The following COL19A1 variants were observed in gnomAD, a reference collection of about 807,000 sequenced individuals.
The protein encoded by COL19A1 is collagen alpha-1(XIX) chain.
A neutral mutation model predicts 190.2 loss-of-function variants in COL19A1; 159 were observed. The ratio of observed to expected loss-of-function variants is 0.84; its 90% CI spans 0.73 to 0.95. The LOEUF is 0.95. Ranked by LOEUF, COL19A1 falls within the 40% of genes least tolerant of loss-of-function variation. The pLI is 0.00. For missense variants in COL19A1, 1,418 were observed against 1,431.9 expected (o/e 0.99, Z 0.16); for synonymous variants, 509 against 458.9 (o/e 1.11, Z -1.39).
chr6:70,176,813 G>A (rs560679433), intron 42 of COL19A1, among the ~76,000 whole-genome samples: 88 of 152,248 alleles, frequency 5.8e-4, no homozygotes, highest in Middle Eastern at 6.8e-3. Context: ...GGAGGGGAGA[G>A]GAAACACAGT....
chr6:70,144,984 G>C lies in COL19A1; in HGVS notation c.1747G>C (p.Gly583Arg). 1 of 1,592,228 alleles carries C rather than the reference G, an allele frequency of 6.3e-7. No individual in the cohort carries two copies. The highest frequency in any genetic ancestry group is 2.3e-5 in the East Asian group (1 of 44,006). The change falls in exon 25 of 51, where the codon GGG becomes CGG. Residue 583 changes from glycine (G) to arginine (R), a missense_variant. Transcript: ENST00000620364. ...TCCAAAAGGTGAGGCTGGTCCTCCA[G>C]GGAAAAGCCTGCCAGGGGAACCAGT... Reference protein sequence around the residue: ...PGPKGEAGPPGKSLPGEPGLD... With the variant: ...PGPKGEAGPPRKSLPGEPGLD...
intron 42 of COL19A1, among the ~76,000 whole-genome samples, chr6:70,178,038 G>T (rs1375032377): frequency 6.6e-6 from 1 of 152,176 alleles, no homozygotes; most frequent in Admixed American, 6.5e-5. Context: ...CACTTAGTTG[G>T]ATGTCTAAGA....
intron 4 of COL19A1, among the ~76,000 whole-genome samples, chr6:69,920,914 A>G (rs1771662018): frequency 7.1e-6 from 1 of 141,504 alleles, no homozygotes; most frequent in East Asian, 2.0e-4. Context: ...ATATTCATCT[A>G]TATATTCATA....
chr6:69,884,253 T>G (rs1454473671), intron 2 of COL19A1, among the ~76,000 whole-genome samples: 1 of 151,572 alleles, frequency 6.6e-6, no homozygotes, highest in East Asian at 1.9e-4. Context: ...GAGAATCACT[T>G]GAACCCAGGA....
chr6:70,106,329 CGTGTGTGTGT>C (rs55854953), intron 16 of COL19A1, among the ~76,000 whole-genome samples: 2 of 149,348 alleles, frequency 1.3e-5, no homozygotes, highest in Non-Finnish European at 3.0e-5. Flanking sequence ...TAAGTGTGTG[CGTGTGTGTGT>C]GTGTGTGTGT....
chr6:69,868,687 A>C (rs1408036252), intron 1 of COL19A1, among the ~76,000 whole-genome samples: 3 of 152,246 alleles, frequency 2.0e-5, no homozygotes, highest in African/African-American at 7.2e-5. Context: ...TATTACCACA[A>C]TTGGGACATC....
intron 12 of COL19A1, among the ~76,000 whole-genome samples, chr6:70,028,914 G>A (rs1389316613): frequency 6.7e-6 from 1 of 150,302 alleles, no homozygotes; most frequent in Non-Finnish European, 1.5e-5. Context: ...GCTCTAATAG[G>A]TACATGTTTT....
chr6:70,207,020 A>G (rs746741794), intron 50 of COL19A1, 42 bp downstream of exon 50: 7 of 1,608,610 alleles, frequency 4.4e-6, no homozygotes, highest in Non-Finnish European at 5.9e-6. Context: ...AAGCCTTTAC[A>G]AATTAGAACC....
At chr6:69,872,489 A>G (rs1396422855) in intron 1 of COL19A1, among the ~76,000 whole-genome samples, 1 of 152,194 alleles carries the variant, frequency 6.6e-6, no homozygotes, top group Non-Finnish European at 1.5e-5. Context: ...TATACAAATA[A>G]AGATTAATAA....
chr6:70,149,747 A>G lies in COL19A1; in HGVS notation c.1929+8A>G, dbSNP rs1786916337. On this transcript the variant is annotated splice_region_variant and intron_variant, in intron 28 of 50. Transcript: ENST00000620364. ...GGAGAGCCAGGTATTCAGGTAAGCT[A>G]TTTAACTAATTTTTTAGCACAGCAA... The G allele has an allele frequency of 2.5e-6, 4 of 1,613,622 alleles. No homozygotes were observed. Among genetic ancestry groups the G allele is most frequent in the Non-Finnish European group, 3.4e-6 (4 of 1,179,762 alleles).
intron 4 of COL19A1, among the ~76,000 whole-genome samples, chr6:69,911,766 C>A (rs1245685941): frequency 6.6e-6 from 1 of 152,196 alleles, no homozygotes; most frequent in Non-Finnish European, 1.5e-5. Context: ...CCTCTAAGAC[C>A]TTGATCCACC....
intron 15 of COL19A1, among the ~76,000 whole-genome samples, chr6:70,101,083 C>A (rs1005688631): frequency 6.6e-6 from 1 of 152,128 alleles, no homozygotes; most frequent in African/African-American, 2.4e-5. Flanking sequence ...ATAAAATGGG[C>A]CTTTCTGTGC....
intron 40 of COL19A1, among the ~76,000 whole-genome samples, chr6:70,169,674 T>C (rs1359231987): frequency 1.3e-5 from 2 of 152,198 alleles, no homozygotes; most frequent in Admixed American, 1.3e-4. Context: ...GATCATATTC[T>C]GTAATTCAGT....
intron 14 of COL19A1, among the ~76,000 whole-genome samples, chr6:70,048,786 T>A (rs1290817909): frequency 6.6e-6 from 1 of 152,120 alleles, no homozygotes; most frequent in Non-Finnish European, 1.5e-5. Flanking sequence ...TATATCAATA[T>A]AAGGCATTAC....
At chr6:70,168,582 G>T in intron 39 of COL19A1, 73 bp from the exon 40 acceptor site, 1 of 1,493,162 alleles carries the variant, frequency 6.7e-7, no homozygotes, top group South Asian at 1.2e-5. Flanking sequence ...AGGCAAATTG[G>T]ACAACAGTGT....
intron 12 of COL19A1, among the ~76,000 whole-genome samples, chr6:70,031,236 C>CTT (rs562400888): frequency 2.0e-5 from 3 of 149,840 alleles, no homozygotes; most frequent in African/African-American, 4.9e-5. Flanking sequence ...TGGCTGGATC[C>CTT]TTTTTTTTTT....
At chr6:70,180,551 G>A (rs1325672221) in intron 44 of COL19A1, 28 bp downstream of exon 44, 1 of 1,607,278 alleles carries the variant, frequency 6.2e-7, no homozygotes, top group Non-Finnish European at 8.5e-7. Context: ...CTTAAAATAT[G>A]CCACCTAGAG....
chr6:69,989,179 A>G (rs772971470), intron 11 of COL19A1, among the ~76,000 whole-genome samples: 5 of 152,086 alleles, frequency 3.3e-5, no homozygotes, highest in Non-Finnish European at 4.4e-5. Flanking sequence ...ATTTTTTCCT[A>G]CATAACTAGC....
chr6:70,052,115 C>T (rs2150133313), intron 14 of COL19A1, among the ~76,000 whole-genome samples: 1 of 152,240 alleles, frequency 6.6e-6, no homozygotes, highest in South Asian at 2.1e-4. Context: ...AAAACTGCAA[C>T]AGACTCAGTG....
Sources: allele counts gnomAD v4.1 joint callset (sites outside exome capture counted in the v4.1 genomes callset), GRCh38; gene constraint gnomAD v4.1.1; transcripts MANE v1.5; gene names NCBI Gene and HGNC (gene_info 2026-07-23, HGNC 2026-07-21).